The following ITPR1 variants were observed in gnomAD, a reference collection of about 807,000 sequenced individuals.
The protein encoded by ITPR1 is inositol 1,4,5-trisphosphate-gated calcium channel ITPR1.
In ITPR1, 96 loss-of-function variants were observed where a neutral mutation model predicts 318.4. The observed-to-expected ratio is 0.30, with a 90% CI of 0.26 to 0.36. The LOEUF (loss-of-function observed/expected upper bound fraction) is 0.36. ITPR1 is among the 10% of genes least tolerant of loss of function. The pLI, the probability that ITPR1 is intolerant of heterozygous loss-of-function variation, is 1.00. For synonymous variants in ITPR1, 1,312 were observed against 1,289.9 expected (o/e 1.02, Z -0.37); for missense variants, 2,440 against 3,460.2 (o/e 0.71, Z 7.40).
chr3:4,605,959 T>C (rs945767992), intron 4 of ITPR1, among the ~76,000 whole-genome samples: 2 of 152,014 alleles, frequency 1.3e-5, no homozygotes, highest in Admixed American at 1.3e-4. Flanking sequence ...GGAGGAAAAA[T>C]CTTAGCTTTG....
At chr3:4,702,584 A>G (rs2094678614) in intron 35 of ITPR1, among the ~76,000 whole-genome samples, 2 of 152,220 alleles carry the variant, frequency 1.3e-5, no homozygotes, top group Non-Finnish European at 2.9e-5. Flanking sequence ...TAGTTAAAAT[A>G]GCATCAAGTT....
chr3:4,638,185 G>A (rs544355037), intron 5 of ITPR1, among the ~76,000 whole-genome samples: 55 of 152,280 alleles, frequency 3.6e-4, no homozygotes, highest in African/African-American at 1.1e-3. Context: ...GTAGCATCTG[G>A]CCCCAAGGAA....
chr3:4,809,683 C>T (rs539843048), intron 55 of ITPR1, among the ~76,000 whole-genome samples: 63 of 152,004 alleles, frequency 4.1e-4, no homozygotes, highest in African/African-American at 1.4e-3. Context: ...ATAAATAATA[C>T]TTATTGATTG....
At chr3:4,712,245 C>T (rs796532965) in intron 39 of ITPR1, among the ~76,000 whole-genome samples, 2 of 152,218 alleles carry the variant, frequency 1.3e-5, no homozygotes, top group Non-Finnish European at 2.9e-5. Context: ...TTACTTGCCT[C>T]GTTCAGATGA....
At chr3:4,543,889 C>A (rs1575476232) in intron 4 of ITPR1, among the ~76,000 whole-genome samples, 1 of 152,188 alleles carries the variant, frequency 6.6e-6, no homozygotes, top group Admixed American at 6.5e-5. Flanking sequence ...AAAATCGTGT[C>A]TTTTTGCTCC....
chr3:4,540,284 T>C (rs1225255509), intron 4 of ITPR1, among the ~76,000 whole-genome samples: 1 of 152,146 alleles, frequency 6.6e-6, no homozygotes, highest in African/African-American at 2.4e-5. Flanking sequence ...ATAGTCTGTT[T>C]TGTCTGATAT....
chr3:4,774,439 T>A (rs1462524858), intron 46 of ITPR1, among the ~76,000 whole-genome samples: 1 of 152,234 alleles, frequency 6.6e-6, no homozygotes, highest in Non-Finnish European at 1.5e-5. Context: ...CCATTTTTTT[T>A]ACAGTAAGCA....
At position 4,562,370 on chromosome 3, in the gene ITPR1, G is replaced by A. The variant is rs548246969; in HGVS notation, c.163+41276G>A. Among the ~76,000 whole-genome samples the A allele has an allele frequency of 6.6e-5, 10 of 152,220 alleles. No individual in the cohort carries two copies. The South Asian group carries it at 2.1e-3, about 32-fold the overall frequency. ...GTAATAGTCCCAATTTTATTAAAAG[G>A]TTGGCTTATGATAACCATAGATTTC... On this transcript the variant is annotated intron_variant, in intron 4 of 61. Coordinates refer to ENST00000649015, the MANE Select transcript of ITPR1 (RefSeq NM_001378452.1).
intron 44 of ITPR1, among the ~76,000 whole-genome samples, chr3:4,736,001 A>T (rs2043237984): frequency 6.6e-6 from 1 of 152,212 alleles, no homozygotes; most frequent in African/African-American, 2.4e-5. Flanking sequence ...AACAATTTTC[A>T]TGATTTTTTC....
Position 4,675,086 on chromosome 3 carries a change from A to G in ITPR1, c.2617A>G (p.Asn873Asp). Reference protein sequence around the residue: ...LTFEVVNLARNLIYFGFYNFS... With the variant: ...LTFEVVNLARDLIYFGFYNFS... ...ACAATAGGTTGTAAATTTAGCTAGG[A>G]ATCTCATATACTTTGGTTTCTACAA... Residue 873 changes from asparagine to aspartate, a missense_variant, in exon 23 of 62, where the codon AAT (asparagine) becomes GAT (aspartate). By Grantham distance (23) the Asn-to-Asp change is conservative (BLOSUM62 1). Coordinates refer to ENST00000649015, the MANE Select transcript of ITPR1 (RefSeq NM_001378452.1). The G allele has an allele frequency of 6.4e-7, 1 of 1,571,812 alleles. No individual in the cohort carries two copies. Among genetic ancestry groups the G allele is most frequent in the Non-Finnish European group, 8.7e-7 (1 of 1,143,738 alleles).
chr3:4,755,830 G>A (rs1022757641), intron 44 of ITPR1, among the ~76,000 whole-genome samples: 1 of 152,204 alleles, frequency 6.6e-6, no homozygotes, highest in African/African-American at 2.4e-5. Flanking sequence ...TGTGGATGAG[G>A]GAGGACCTTA....
intron 4 of ITPR1, among the ~76,000 whole-genome samples, chr3:4,546,826 A>T: frequency 6.8e-6 from 1 of 147,726 alleles, no homozygotes; most frequent in African/African-American, 2.5e-5. Flanking sequence ...ATCTTGACAT[A>T]CCACCCTGAA....
chr3:4,615,373 CTT>C lies in ITPR1; in HGVS notation c.164-12371_164-12370del, dbSNP rs11330102. On this transcript the variant is annotated intron_variant, in intron 4 of 61. Coordinates refer to ENST00000649015, the MANE Select transcript of ITPR1 (RefSeq NM_001378452.1). ...ACTTGCCTTTCCAACTGATTTCTTTCTTTTTTTTTTTTTTTTTTTTGAGATGG... is the reference window on the plus strand; with the variant it reads ...ACTTGCCTTTCCAACTGATTTCTTTCTTTTTTTTTTTTTTTTTTGAGATGG... Among the ~76,000 whole-genome samples, 686 of 122,776 alleles carry C rather than the reference CTT, an allele frequency of 5.6e-3. 4 individuals carry two copies. The highest frequency in any genetic ancestry group is 0.018 in the African/African-American group (597 of 32,468). The allele number at this position is 122,776 out of a possible 152,430, so 80.5% of individuals were successfully genotyped here. A position where few individuals can be genotyped will look rare whatever the true frequency, so the allele number is the denominator to read the frequency against.
intron 60 of ITPR1, among the ~76,000 whole-genome samples, chr3:4,835,488 G>A (rs935011949): frequency 6.6e-5 from 10 of 152,174 alleles, no homozygotes; most frequent in Admixed American, 3.3e-4. Context: ...GGCCCACAAA[G>A]CTGAAAATAT....
chr3:4,670,444 G>A (rs1209295643), intron 19 of ITPR1, among the ~76,000 whole-genome samples: 2 of 152,128 alleles, frequency 1.3e-5, no homozygotes, highest in African/African-American at 4.8e-5. Flanking sequence ...AGCATCCCTG[G>A]CCCCTACCCA....
intron 4 of ITPR1, among the ~76,000 whole-genome samples, chr3:4,624,404 C>T (rs539257573): frequency 4.5e-4 from 69 of 152,304 alleles, no homozygotes; most frequent in African/African-American, 1.6e-3. Context: ...TGCAGTGTCT[C>T]ACGCCTGTAA....
At chr3:4,832,385 C>T (rs762917576) in intron 60 of ITPR1, among the ~76,000 whole-genome samples, 26 of 152,164 alleles carry the variant, frequency 1.7e-4, no homozygotes, top group Non-Finnish European at 2.5e-4. Context: ...TTCTTTGAAA[C>T]GCCGTGTTTT....
chr3:4,783,891 T>A lies in ITPR1; in HGVS notation c.6586T>A (p.Phe2196Ile), dbSNP rs768984559. The change falls in exon 51 of 62, where the codon TTT becomes ATT. Residue 2196 changes from phenylalanine (F) to isoleucine (I), a missense_variant. Coordinates refer to ENST00000649015, the MANE Select transcript of ITPR1 (RefSeq NM_001378452.1). ...GQVDGDEALE[F>I]YAKHTAQIEI... ...AGTGGACGGAGATGAAGCCCTGGAG[T>A]TTTATGCCAAGCACACGGCGCAGAT... The A allele has an allele frequency of 6.2e-7, 1 of 1,608,942 alleles. No individual in the cohort carries two copies. Among genetic ancestry groups the A allele is most frequent in the Non-Finnish European group, 8.5e-7 (1 of 1,177,798 alleles).
chr3:4,643,741 ATTGT>A (rs1244844563), intron 7 of ITPR1, among the ~76,000 whole-genome samples: 1 of 152,206 alleles, frequency 6.6e-6, no homozygotes, highest in Non-Finnish European at 1.5e-5. Flanking sequence ...TATGAAAGTA[ATTGT>A]TTTAGAAACA....
Sources: allele counts gnomAD v4.1 joint callset (sites outside exome capture counted in the v4.1 genomes callset), GRCh38; gene constraint gnomAD v4.1.1; transcripts MANE v1.5; gene names NCBI Gene and HGNC (gene_info 2026-07-23, HGNC 2026-07-21).